The following TAB2 variants were observed in gnomAD, a reference collection of about 807,000 sequenced individuals.
TAB2 encodes the protein TGF-beta-activated kinase 1 and MAP3K7-binding protein 2.
Under a neutral mutation model 65.0 loss-of-function variants are expected in TAB2, and 3 were observed. The ratio of observed to expected loss-of-function variants is 0.05; its 90% confidence interval spans 0.02 to 0.12. The LOEUF (loss-of-function observed/expected upper bound fraction) is 0.12, where lower values mean the gene tolerates loss of function less well. TAB2 is among the 10% of genes least tolerant of loss of function. TAB2 has a pLI of 1.00. For missense variants in TAB2, 623 were observed against 840.3 expected, an observed-to-expected ratio of 0.74 and a Z score of 3.20; for synonymous variants, 298 against 285.1, an observed-to-expected ratio of 1.05 and a Z score of -0.46.
chr6:149,259,513 T>C (rs1425704410), intron 1 of TAB2, among the ~76,000 whole-genome samples: 1 of 152,194 alleles, frequency 6.6e-6, no homozygotes, highest in African/African-American at 2.4e-5. Context: ...CCACATCACC[T>C]AATTTAAATA....
intron 1 of TAB2, among the ~76,000 whole-genome samples, chr6:149,251,007 T>C (rs1177573061): frequency 2.0e-5 from 3 of 152,218 alleles, no homozygotes; most frequent in Non-Finnish European, 4.4e-5. Flanking sequence ...AGCAGCCAGC[T>C]TTCATCAGCT....
intron 1 of TAB2, among the ~76,000 whole-genome samples, chr6:149,237,952 A>C (rs1200150541): frequency 6.6e-6 from 1 of 152,164 alleles, no homozygotes; most frequent in Non-Finnish European, 1.5e-5. Flanking sequence ...CCTGCTCCCC[A>C]GCCCCACAGT....
chr6:149,309,373 T>C (rs1249253244), intron 1 of TAB2, among the ~76,000 whole-genome samples: 1 of 151,856 alleles, frequency 6.6e-6, no homozygotes, highest in African/African-American at 2.4e-5. Context: ...GTCATACCAA[T>C]GCCTCCCCAC....
rs144043693 is a variant in TAB2, at chr6:149,406,047, G to A, written c.1940-3530G>A. On this transcript the variant is annotated intron_variant, in intron 6 of 6. Coordinates refer to ENST00000637181, the MANE Select transcript of TAB2 (RefSeq NM_001292034.3). Reference sequence around the variant, plus strand: ...GTCAGCTATACATCCATAAAGTTGTGGGGGAAACAAAACAAAGACAGCAAA... The same window carrying A: ...GTCAGCTATACATCCATAAAGTTGTAGGGGAAACAAAACAAAGACAGCAAA... Among the ~76,000 whole-genome samples the A allele has an allele frequency of 2.6e-3, 403 of 152,184 alleles. 1 individual carries two copies. The highest frequency in any genetic ancestry group is 9.3e-3 in the African/African-American group (384 of 41,512).
At chr6:149,335,087 A>G (rs747194999) in intron 1 of TAB2, among the ~76,000 whole-genome samples, 11 of 151,514 alleles carry the variant, frequency 7.3e-5, no homozygotes, top group South Asian at 4.2e-4. Flanking sequence ...ACTTCCCTTT[A>G]GGAAAAGTAA....
intron 1 of TAB2, among the ~76,000 whole-genome samples, chr6:149,364,829 T>A (rs1780987464): frequency 6.6e-6 from 1 of 151,552 alleles, no homozygotes; most frequent in Non-Finnish European, 1.5e-5. Flanking sequence ...TGTATACTCT[T>A]ATAGTCCTAG....
intron 1 of TAB2, among the ~76,000 whole-genome samples, chr6:149,241,767 A>G (rs1777602200): frequency 6.6e-6 from 1 of 152,212 alleles, no homozygotes; most frequent in African/African-American, 2.4e-5. Flanking sequence ...AAAGCATTAG[A>G]GTCTGATTGA....
chr6:149,317,287 G>C (rs1326778299), upstream of TAB2, among the ~76,000 whole-genome samples: 1 of 151,982 alleles, frequency 6.6e-6, no homozygotes, highest in Admixed American at 6.5e-5. This position sits in a 1 kb window ranked among gnomAD's most constrained non-coding sequence, Gnocchi z 4.7. Flanking sequence ...TGCCCGCACC[G>C]GCACCCCCCT....
chr6:149,400,018 G>A (rs559989879), intron 6 of TAB2, among the ~76,000 whole-genome samples: 8 of 152,272 alleles, frequency 5.3e-5, no homozygotes, highest in East Asian at 1.9e-4. Context: ...ACGATTAAAC[G>A]TTGTCGAATA....
chr6:149,402,368 C>T (rs540602664), intron 6 of TAB2, among the ~76,000 whole-genome samples: 1 of 151,858 alleles, frequency 6.6e-6, no homozygotes, highest in Non-Finnish European at 1.5e-5. Context: ...AAATTGATAT[C>T]ACCTATTAAA....
At chr6:149,232,101 C>T (rs888995034) in intron 1 of TAB2, among the ~76,000 whole-genome samples, 2 of 152,072 alleles carry the variant, frequency 1.3e-5, no homozygotes, top group African/African-American at 2.4e-5. Context: ...GGGAACAAGA[C>T]GTGCGCTAGA....
intron 1 of TAB2, among the ~76,000 whole-genome samples, chr6:149,271,590 T>C: frequency 6.6e-6 from 1 of 152,194 alleles, no homozygotes; most frequent in Non-Finnish European, 1.5e-5. Context: ...CAGAAGTTAC[T>C]AACATCCTTT....
At chr6:149,336,621 T>C (rs774717603) in intron 1 of TAB2, among the ~76,000 whole-genome samples, 2 of 152,150 alleles carry the variant, frequency 1.3e-5, no homozygotes, top group Non-Finnish European at 2.9e-5. Flanking sequence ...AAAAGATCCA[T>C]GTGGGCTGAA....
chr6:149,335,380 T>C (rs1009407553), intron 1 of TAB2, among the ~76,000 whole-genome samples: 1 of 151,744 alleles, frequency 6.6e-6, no homozygotes, highest in Non-Finnish European at 1.5e-5. Flanking sequence ...TACATACATA[T>C]ATTTGAGACA....
intron 1 of TAB2, among the ~76,000 whole-genome samples, chr6:149,362,182 T>C (rs1400996280): frequency 6.6e-6 from 1 of 152,190 alleles, no homozygotes; most frequent in Non-Finnish European, 1.5e-5. Flanking sequence ...CCAGTATCAG[T>C]TTTCTATGTT....
intron 1 of TAB2, among the ~76,000 whole-genome samples, chr6:149,238,745 C>T (rs934463238): frequency 5.3e-5 from 8 of 152,172 alleles, no homozygotes; most frequent in African/African-American, 1.9e-4. Context: ...TGAGGCTGCT[C>T]GGGGCATATT....
At chr6:149,393,040 A>G (rs1782045742) in intron 3 of TAB2, among the ~76,000 whole-genome samples, 1 of 152,222 alleles carries the variant, frequency 6.6e-6, no homozygotes, top group African/African-American at 2.4e-5. Flanking sequence ...CATCTTTCTC[A>G]GATTCCTATC....
chr6:149,259,709 G>C (rs1425198453), intron 1 of TAB2, among the ~76,000 whole-genome samples: 3 of 152,070 alleles, frequency 2.0e-5, no homozygotes, highest in Non-Finnish European at 4.4e-5. Context: ...TGTGTTATTT[G>C]CCACCTTTAA....
At chr6:149,380,104 G>A (rs2114891571) in intron 3 of TAB2, 1 of 346,830 alleles carries the variant, frequency 2.9e-6, no homozygotes, top group South Asian at 2.2e-5. Context: ...TGCAGGCATG[G>A]TGGCACACAC....
Sources: allele counts gnomAD v4.1 joint callset (sites outside exome capture counted in the v4.1 genomes callset), GRCh38; gene constraint gnomAD v4.1.1; non-coding constraint Gnocchi (gnomAD v3.1); transcripts MANE v1.5; gene names NCBI Gene and HGNC (gene_info 2026-07-23, HGNC 2026-07-21).